The following EPS8 variants were observed in gnomAD, a reference collection of about 807,000 sequenced individuals.
The protein encoded by EPS8 is EGFR pathway substrate 8, signaling adaptor, also known as epidermal growth factor receptor kinase substrate 8.
Under a neutral mutation model 103.8 loss-of-function variants are expected in EPS8, and 42 were observed. That is an observed-to-expected ratio of 0.40 (90% CI 0.32 to 0.52). The LOEUF is 0.52. Among genes scored for constraint, EPS8 ranks in the 20% least tolerant of loss-of-function variants. EPS8 has a pLI of 0.40. For missense variants in EPS8, 969 were observed against 1,005.1 expected, an observed-to-expected ratio of 0.96 and a Z score of 0.49; for synonymous variants, 344 against 344.6, an observed-to-expected ratio of 1.00 and a Z score of 0.02.
chr12:15,786,680 C>T (rs1251329851), intron 1 of EPS8, among the ~76,000 whole-genome samples: 2 of 151,920 alleles, frequency 1.3e-5, no homozygotes, highest in Admixed American at 6.6e-5. Flanking sequence ...TTTTTTAAAT[C>T]CCATTTAGGA....
intron 3 of EPS8, among the ~76,000 whole-genome samples, chr12:15,672,956 T>G (rs906114448): frequency 6.6e-6 from 1 of 152,194 alleles, no homozygotes; most frequent in African/African-American, 2.4e-5. Flanking sequence ...TTCAGGTAAT[T>G]TATTGGCAAA....
At chr12:15,739,981 A>G (rs1475671680) in intron 1 of EPS8, among the ~76,000 whole-genome samples, 3 of 152,130 alleles carry the variant, frequency 2.0e-5, no homozygotes, top group South Asian at 2.1e-4. Flanking sequence ...CAACTCTTAC[A>G]TTCTCTGACA....
chr12:15,650,597 A>G (rs35343446), intron 14 of EPS8, among the ~76,000 whole-genome samples: 1,667 of 152,194 alleles, frequency 0.011, 14 homozygotes, highest in Middle Eastern at 0.044. Flanking sequence ...CTGACAGGCT[A>G]TAGGAGAGCA....
intron 3 of EPS8, among the ~76,000 whole-genome samples, chr12:15,677,901 A>G (rs1366851049): frequency 6.6e-6 from 1 of 151,946 alleles, no homozygotes; most frequent in Non-Finnish European, 1.5e-5. Context: ...GAAGATACAT[A>G]TAATCTCTTC....
rs1359086167 is a variant in EPS8 at position 15,759,352 on chromosome 12, G to T, written c.-22+29809C>A. Among the ~76,000 whole-genome samples, 2 of 151,960 alleles carry T rather than the reference G, an allele frequency of 1.3e-5. No homozygotes were observed. The highest frequency in any genetic ancestry group is 2.9e-5 in the Non-Finnish European group (2 of 67,932). On this transcript the variant is annotated intron_variant, in intron 1 of 20. Coordinates refer to ENST00000281172, the MANE Select transcript of EPS8 (RefSeq NM_004447.6). The surrounding 1 kb of genome is among the most constrained non-coding windows in gnomAD (Gnocchi z 4.9). ...CAATTAGCTATACTTCCATAATTTTGATCTGATTCAACACAACTAATTTTA... is the reference window on the plus strand; with the variant it reads ...CAATTAGCTATACTTCCATAATTTTTATCTGATTCAACACAACTAATTTTA...
chr12:15,683,365 G>A (rs923998637), intron 1 of EPS8: 1 of 153,880 alleles, frequency 6.5e-6, no homozygotes, highest in Admixed American at 6.5e-5. Context: ...TTAAAAAGTT[G>A]AGAAATACAG....
rs1304395715 is a variant in EPS8 at position 15,693,566 on chromosome 12, G to A, written c.-21-10594C>T. Among the ~76,000 whole-genome samples, 3 of 152,176 alleles carry A rather than the reference G, an allele frequency of 2.0e-5. No individual in the cohort carries two copies. The highest frequency in any genetic ancestry group is 4.4e-5 in the Non-Finnish European group (3 of 68,040). On this transcript the variant is annotated intron_variant, in intron 1 of 20. Transcript: ENST00000281172. The surrounding 1 kb of genome is among the most constrained non-coding windows in gnomAD (Gnocchi z 5.6). ...TAGTAGCTTAGGTTTCAGCATGTAAGGACTTCTAGGTTAATCACAATTATC... is the reference window on the plus strand; with the variant it reads ...TAGTAGCTTAGGTTTCAGCATGTAAAGACTTCTAGGTTAATCACAATTATC...
At chr12:15,639,879 T>C (rs1945199198) in intron 17 of EPS8, among the ~76,000 whole-genome samples, 1 of 152,194 alleles carries the variant, frequency 6.6e-6, no homozygotes, top group Admixed American at 6.5e-5. Context: ...TCTCGAGACT[T>C]TGAAAATTAA....
At chr12:15,782,553 C>T (rs905569562) in intron 1 of EPS8, among the ~76,000 whole-genome samples, 3 of 151,328 alleles carry the variant, frequency 2.0e-5, no homozygotes, top group Non-Finnish European at 4.4e-5. Flanking sequence ...AACCACGTAG[C>T]CAGGATAACA....
chr12:15,658,592 A>C lies in EPS8; in HGVS notation c.938-7T>G, dbSNP rs368221357. ...CGCAGCGTTAAAACACCCTCTAATG[A>C]AATAAGCGAGAGGAGAGGATCAGAG... On this transcript the variant is annotated splice_region_variant and splice_polypyrimidine_tract_variant and intron_variant, in intron 10 of 20. Coordinates refer to ENST00000281172, the MANE Select transcript of EPS8 (RefSeq NM_004447.6). 1.3e-6 allele frequency: 2 copies of C among 1,597,200 alleles called. No homozygotes were observed. The highest frequency in any genetic ancestry group is 1.7e-6 in the Non-Finnish European group (2 of 1,165,102).
chr12:15,663,955 AT>A (rs373042520), intron 8 of EPS8, among the ~76,000 whole-genome samples: 1,756 of 31,714 alleles, frequency 0.055, 111 homozygotes, highest in African/African-American at 0.15. Context: ...AATAATATAT[AT>A]ATATATATAT....
chr12:15,737,785 T>A lies in EPS8; in HGVS notation c.-22+51376A>T, dbSNP rs1591909117. Reference sequence around the variant, plus strand: ...TCTCAAAGCATATCCTAGTGACTTTTTTTTAAATATTATTAAATCTGTTTC... The same window carrying A: ...TCTCAAAGCATATCCTAGTGACTTTATTTTAAATATTATTAAATCTGTTTC... On this transcript the variant is annotated intron_variant, in intron 1 of 20. Transcript: ENST00000281172. 2.0e-5 allele frequency among the ~76,000 whole-genome samples: 3 copies of A among 152,290 alleles called. No individual in the cohort carries two copies. In the South Asian group the frequency reaches 6.2e-4, roughly 32 times the overall value.
Position 15,693,219 on chromosome 12 carries a change from C to T in EPS8, c.-21-10247G>A, listed in dbSNP as rs74063349. ...TTCTCCAAGGAAGTATCTTCCCATT[C>T]CATGTTTAGAGAATGTAAAGCTGAC... On this transcript the variant is annotated intron_variant, in intron 1 of 20. Coordinates refer to ENST00000281172, the MANE Select transcript of EPS8 (RefSeq NM_004447.6). The surrounding 1 kb of genome is among the most constrained non-coding windows in gnomAD (Gnocchi z 5.6). Among the ~76,000 whole-genome samples the T allele has an allele frequency of 5.3e-4, 80 of 152,278 alleles. No individual in the cohort carries two copies. The highest frequency in any genetic ancestry group is 1.9e-3 in the African/African-American group (77 of 41,558).
chr12:15,732,019 C>G (rs1388167820), intron 1 of EPS8, among the ~76,000 whole-genome samples: 3 of 152,114 alleles, frequency 2.0e-5, no homozygotes, highest in African/African-American at 7.2e-5. Context: ...ACTTAAATAA[C>G]TGCCTACTCC....
intron 13 of EPS8, among the ~76,000 whole-genome samples, 162 bp downstream of exon 13, chr12:15,653,983 C>T (rs1479168251): frequency 6.6e-6 from 1 of 152,216 alleles, no homozygotes; most frequent in African/African-American, 2.4e-5. Flanking sequence ...ATATTACATA[C>T]ACTTCTATCT....
At chr12:15,710,065 C>T (rs1003454975) in intron 1 of EPS8, among the ~76,000 whole-genome samples, 6 of 136,276 alleles carry the variant, frequency 4.4e-5, no homozygotes, top group East Asian at 2.2e-4. Flanking sequence ...GGCTGCCAAC[C>T]GGTACTGAAC....
chr12:15,656,641 C>T (rs571980707), intron 12 of EPS8, among the ~76,000 whole-genome samples: 4 of 152,242 alleles, frequency 2.6e-5, no homozygotes, highest in Admixed American at 1.3e-4. Context: ...CTCCTAACAT[C>T]GAATGCCCAG....
chr12:15,772,173 G>A lies in EPS8; in HGVS notation c.-22+16988C>T, dbSNP rs1290999059. ...GACATATAGGTGGGGCAGAAAGGTG[G>A]GTAAGAAAAAGAGTCCAGGAAAAAT... On this transcript the variant is annotated intron_variant, in intron 1 of 20. Coordinates refer to ENST00000281172, the MANE Select transcript of EPS8 (RefSeq NM_004447.6). The surrounding 1 kb of genome is among the most constrained non-coding windows in gnomAD (Gnocchi z 5.0). Among the ~76,000 whole-genome samples, 1 of 151,896 alleles carries A rather than the reference G, an allele frequency of 6.6e-6. No individual in the cohort carries two copies. The highest frequency in any genetic ancestry group is 2.4e-5 in the African/African-American group (1 of 41,334).
At chr12:15,783,461 T>C (rs1310603757) in intron 1 of EPS8, among the ~76,000 whole-genome samples, 1 of 152,104 alleles carries the variant, frequency 6.6e-6, no homozygotes, top group African/African-American at 2.4e-5. Flanking sequence ...AAGGGTCAAC[T>C]GTACTTGAAA....
Sources: gnomAD v4.1 joint callset for allele counts (sites outside exome capture counted in the v4.1 genomes callset) on GRCh38, gnomAD v4.1.1 for gene constraint, Gnocchi (gnomAD v3.1) non-coding constraint, MANE v1.5 for transcripts, NCBI Gene and HGNC (gene_info 2026-07-23, HGNC 2026-07-21) for gene names.